The following CADM2 variants were observed in gnomAD, a reference collection of about 807,000 sequenced individuals.
CADM2 encodes the protein cell adhesion molecule 2.
Under a neutral mutation model 49.8 loss-of-function variants are expected in CADM2, and 12 were observed. That is an observed-to-expected ratio of 0.24 (90% CI 0.15 to 0.39). The LOEUF (loss-of-function observed/expected upper bound fraction) is 0.39, where lower values mean the gene tolerates loss of function less well. CADM2 is among the 10% of genes least tolerant of loss of function. The pLI is 1.00. For missense variants in CADM2, 378 were observed against 492.3 expected, an observed-to-expected ratio of 0.77 and a Z score of 2.20; for synonymous variants, 214 against 175.4, an observed-to-expected ratio of 1.22 and a Z score of -1.74.
intron 1 of CADM2, among the ~76,000 whole-genome samples, chr3:85,676,174 C>A (rs950390017): frequency 3.3e-5 from 5 of 152,158 alleles, no homozygotes; most frequent in Admixed American, 6.5e-5. Flanking sequence ...AAACAGAGCC[C>A]ATTAATTCCA....
chr3:85,976,259 T>G (rs1219574836), intron 8 of CADM2, among the ~76,000 whole-genome samples: 1 of 151,528 alleles, frequency 6.6e-6, no homozygotes, highest in Non-Finnish European at 1.5e-5. Flanking sequence ...GTAAGAGGTT[T>G]AAAAATGTAC....
At chr3:85,040,539 G>A (rs1204315688) in intron 1 of CADM2, among the ~76,000 whole-genome samples, 1 of 150,696 alleles carries the variant, frequency 6.6e-6, no homozygotes, top group African/African-American at 2.4e-5. Flanking sequence ...AAAAAGCCAA[G>A]GGGCTAGTCG....
chr3:85,520,069 T>C lies in CADM2; in HGVS notation c.62-206453T>C, dbSNP rs77837323. On this transcript the variant is annotated intron_variant, in intron 1 of 9. Coordinates refer to ENST00000383699, the MANE Select transcript of CADM2 (RefSeq NM_001167675.2). ...CCTGGAGACTATTATAAAATATCAG[T>C]ATGTTAATTCATTTTAATTTCATAT... is the stretch of plus-strand genomic sequence containing the variant. Among the ~76,000 whole-genome samples, 104 of 152,176 alleles carry C rather than the reference T, an allele frequency of 6.8e-4. 1 individual carries two copies. The East Asian group carries it at 0.015, about 22-fold the overall frequency.
At chr3:85,276,736 A>G (rs2043365260) in intron 1 of CADM2, among the ~76,000 whole-genome samples, 2 of 151,334 alleles carry the variant, frequency 1.3e-5, no homozygotes, top group African/African-American at 4.8e-5. Flanking sequence ...CAAAGTGTAC[A>G]GTATATTATA....
intron 1 of CADM2, among the ~76,000 whole-genome samples, chr3:85,590,109 T>G (rs1283762299): frequency 6.6e-6 from 1 of 152,026 alleles, no homozygotes; most frequent in Non-Finnish European, 1.5e-5. Context: ...TGGTCATGGA[T>G]AGTTCACATG....
At chr3:85,669,042 CAT>C (rs759556901) in intron 1 of CADM2, among the ~76,000 whole-genome samples, 2 of 152,066 alleles carry the variant, frequency 1.3e-5, no homozygotes, top group Non-Finnish European at 2.9e-5. Flanking sequence ...ATGTGGCTAA[CAT>C]ATTCTCTGTC....
intron 2 of CADM2, among the ~76,000 whole-genome samples, chr3:85,788,022 T>C (rs980767721): frequency 6.6e-6 from 1 of 152,158 alleles, no homozygotes; most frequent in African/African-American, 2.4e-5. Flanking sequence ...TTTAAATGGC[T>C]GACTGTTTCT....
Position 86,072,358 on chromosome 3 carries a change from G to A in CADM2, c.*5575G>A, listed in dbSNP as rs1300183915. ...TATATATATATGTCAAGAAATGTAT[G>A]ATTATTTTGGAGAGAATGGGCCCAA... On this transcript the variant is annotated 3_prime_UTR_variant, in exon 10 of 10. Transcript: ENST00000383699. 1 of 148,972 alleles carries A rather than the reference G, an allele frequency of 6.7e-6. No homozygotes were observed. The highest frequency in any genetic ancestry group is 1.5e-5 in the Non-Finnish European group (1 of 67,412). The allele number at this position is 148,972 out of a possible 1,614,324, so 9.2% of individuals were successfully genotyped here. A position where few individuals can be genotyped will look rare whatever the true frequency, so the allele number is the denominator to read the frequency against.
chr3:85,081,256 C>T (rs2037153853), intron 1 of CADM2, among the ~76,000 whole-genome samples: 1 of 152,024 alleles, frequency 6.6e-6, no homozygotes, highest in African/African-American at 2.4e-5. Flanking sequence ...GCATTGAAAT[C>T]AGACAAACAT....
At chr3:85,902,768 TC>T (rs1354445667) in intron 5 of CADM2, among the ~76,000 whole-genome samples, 1 of 151,652 alleles carries the variant, frequency 6.6e-6, no homozygotes, top group African/African-American at 2.4e-5. Context: ...TATTAACTTA[TC>T]AGAATCTAAA....
At chr3:85,440,700 A>C (rs558371331) in intron 1 of CADM2, among the ~76,000 whole-genome samples, 1 of 150,916 alleles carries the variant, frequency 6.6e-6, no homozygotes, top group African/African-American at 2.4e-5. Context: ...TTGTTTAAAA[A>C]TGGCAATTAT....
At chr3:85,459,025 T>TTATA (rs1338412555) in intron 1 of CADM2, among the ~76,000 whole-genome samples, 1 of 152,184 alleles carries the variant, frequency 6.6e-6, no homozygotes, top group Non-Finnish European at 1.5e-5. Flanking sequence ...TTGAGCTTGA[T>TTATA]TATATAGTGT....
chr3:85,197,893 G>C (rs2041383996), intron 1 of CADM2, among the ~76,000 whole-genome samples: 1 of 151,802 alleles, frequency 6.6e-6, no homozygotes, highest in South Asian at 2.1e-4. Flanking sequence ...GCTTGAAGCA[G>C]GTCATGGATT....
chr3:85,829,377 CA>C (rs1255796835), intron 3 of CADM2, among the ~76,000 whole-genome samples: 2 of 151,690 alleles, frequency 1.3e-5, no homozygotes, highest in Non-Finnish European at 2.9e-5. Flanking sequence ...GTGTAATGAT[CA>C]AATGAGGGTA....
rs113619758 is a variant in CADM2, at chr3:85,693,280, T to G, written c.62-33242T>G. 6.5e-4 allele frequency among the ~76,000 whole-genome samples: 96 copies of G among 147,738 alleles called. 1 individual carries two copies. Among genetic ancestry groups the G allele is most frequent in the Middle Eastern group, 3.5e-3 (1 of 284 alleles). ...AAAAAACAAGGAAGGAAGGAAGGAA[T>G]GAAGAAAGAAAGAAAAGAGGCCTGG... On this transcript the variant is annotated intron_variant, in intron 1 of 9. Coordinates refer to ENST00000383699, the MANE Select transcript of CADM2 (RefSeq NM_001167675.2).
At chr3:85,621,295 T>C (rs1164363518) in intron 1 of CADM2, among the ~76,000 whole-genome samples, 1 of 152,124 alleles carries the variant, frequency 6.6e-6, no homozygotes, top group East Asian at 1.9e-4. Context: ...AACCAGTGTA[T>C]AGAAGCTGCT....
chr3:84,961,161 C>T (rs1186647071), intron 1 of CADM2, among the ~76,000 whole-genome samples: 1 of 152,072 alleles, frequency 6.6e-6, no homozygotes, highest in Non-Finnish European at 1.5e-5. Context: ...ACCCAGTCGG[C>T]CTTTGGAGGA....
At chr3:85,063,395 C>G (rs2036409727) in intron 1 of CADM2, among the ~76,000 whole-genome samples, 1 of 151,882 alleles carries the variant, frequency 6.6e-6, no homozygotes, top group East Asian at 1.9e-4. Context: ...AAAGAAAAGC[C>G]TTTAGTGTTA....
chr3:85,678,403 C>G (rs1042402335), intron 1 of CADM2, among the ~76,000 whole-genome samples: 3 of 152,164 alleles, frequency 2.0e-5, no homozygotes, highest in African/African-American at 7.2e-5. Context: ...ATATCCAGAG[C>G]AGTGGCTTTC....
Sources: allele counts gnomAD v4.1 joint callset (sites outside exome capture counted in the v4.1 genomes callset), GRCh38; gene constraint gnomAD v4.1.1; transcripts MANE v1.5; gene names NCBI Gene and HGNC (gene_info 2026-07-23, HGNC 2026-07-21).